Variants in ASAP1 observed in about 807,000 individuals in gnomAD.
ASAP1 encodes the protein ArfGAP with SH3 domain, ankyrin repeat and PH domain 1, also known as arf-GAP with SH3 domain, ANK repeat and PH domain-containing protein 1.
A neutral mutation model predicts 145.2 loss-of-function variants in ASAP1; 43 were observed. That is an observed-to-expected ratio of 0.30 (90% CI 0.23 to 0.38). The LOEUF (loss-of-function observed/expected upper bound fraction) is 0.38, where lower values mean the gene tolerates loss of function less well. Among genes scored for constraint, ASAP1 ranks in the 10% least tolerant of loss-of-function variants. ASAP1 has a pLI of 1.00. For synonymous variants in ASAP1, 546 were observed against 515.5 expected (o/e 1.06, Z -0.80); for missense variants, 1,018 against 1,355.3 (o/e 0.75, Z 3.91).
intron 3 of ASAP1, among the ~76,000 whole-genome samples, chr8:130,238,975 A>G (rs114424235): frequency 0.011 from 1,682 of 152,258 alleles, 29 homozygotes; most frequent in African/African-American, 0.039. Flanking sequence ...CTTCTGTTCA[A>G]TATCTTCCTT....
At chr8:130,402,011 G>A (rs10090767) in intron 1 of ASAP1, 41 bp from the exon 2 acceptor site, 397,324 of 1,353,366 alleles carry the variant, frequency 0.29, 60,844 homozygotes, top group African/African-American at 0.47. Context: ...AGAGTCATCC[G>A]GTGAAACTGG....
intron 13 of ASAP1, among the ~76,000 whole-genome samples, chr8:130,140,317 C>T (rs1344829921): frequency 6.6e-6 from 1 of 151,868 alleles, no homozygotes; most frequent in Admixed American, 6.6e-5. Context: ...GCGTGAGGCA[C>T]CATGCTGGCC....
intron 1 of ASAP1, among the ~76,000 whole-genome samples, chr8:130,421,188 TAAC>T (rs1209371665): frequency 1.3e-5 from 2 of 152,198 alleles, no homozygotes; most frequent in African/African-American, 2.4e-5. Flanking sequence ...GCTGGGTGCA[TAAC>T]AACAACAACA....
intron 3 of ASAP1, among the ~76,000 whole-genome samples, chr8:130,245,528 A>C (rs979795967): frequency 2.0e-5 from 3 of 152,184 alleles, no homozygotes; most frequent in African/African-American, 7.2e-5. Flanking sequence ...TCTCCTAAAC[A>C]ATTCTAAGGA....
intron 1 of ASAP1, among the ~76,000 whole-genome samples, chr8:130,437,790 G>A (rs74888036): frequency 0.058 from 8,813 of 152,150 alleles, 293 homozygotes; most frequent in Non-Finnish European, 0.07. Flanking sequence ...TTGTGCCCAC[G>A]GCTGATCCTC....
intron 3 of ASAP1, among the ~76,000 whole-genome samples, chr8:130,241,544 C>T (rs944426657): frequency 2.0e-5 from 3 of 152,094 alleles, no homozygotes; most frequent in Admixed American, 2.0e-4. Flanking sequence ...ATCATCTCCA[C>T]AAAACAGAGA....
At chr8:130,251,893 C>G (rs1819219645) in intron 3 of ASAP1, among the ~76,000 whole-genome samples, 1 of 152,108 alleles carries the variant, frequency 6.6e-6, no homozygotes, top group Non-Finnish European at 1.5e-5. Context: ...AATGGAGAGG[C>G]TTTGGAGAAA....
intron 1 of ASAP1, among the ~76,000 whole-genome samples, chr8:130,441,448 A>G (rs1045641701): frequency 9.2e-5 from 14 of 152,038 alleles, no homozygotes; most frequent in Non-Finnish European, 1.6e-4. Context: ...CAGATACAGC[A>G]GTGGTTGGGT....
At chr8:130,357,972 G>A in intron 3 of ASAP1, 45 bp downstream of exon 3, 1 of 1,566,842 alleles carries the variant, frequency 6.4e-7, no homozygotes, top group Non-Finnish European at 8.6e-7. Context: ...CAGCTGCGCG[G>A]CGGCAGCGGC....
At chr8:130,373,767 A>T (rs529173786) in intron 2 of ASAP1, among the ~76,000 whole-genome samples, 91 of 151,192 alleles carry the variant, frequency 6.0e-4, no homozygotes, top group African/African-American at 1.9e-3. Flanking sequence ...GAATTGCTTG[A>T]ACCCAGGAGG....
chr8:130,125,807 A>C (rs1206336444), intron 17 of ASAP1, 149 bp downstream of exon 17: 2 of 705,036 alleles, frequency 2.8e-6, no homozygotes, highest in African/African-American at 3.7e-5. Context: ...ATACCACAAA[A>C]GTTACATTTT....
chr8:130,426,412 G>GA (rs56287696), intron 1 of ASAP1, among the ~76,000 whole-genome samples: 5,379 of 138,810 alleles, frequency 0.039, 118 homozygotes, highest in Middle Eastern at 0.087. Context: ...CACTGGTTAG[G>GA]AAAAAAAAAA....
chr8:130,352,812 G>C (rs968336158), intron 3 of ASAP1, among the ~76,000 whole-genome samples: 1 of 152,170 alleles, frequency 6.6e-6, no homozygotes, highest in African/African-American at 2.4e-5. Flanking sequence ...GCTTGATACT[G>C]AATCTACATT....
At chr8:130,409,845 T>G (rs1204951323) in intron 1 of ASAP1, among the ~76,000 whole-genome samples, 1 of 152,216 alleles carries the variant, frequency 6.6e-6, no homozygotes. Flanking sequence ...TGTGACTGCA[T>G]GTCTTATAGC....
At chr8:130,405,571 G>A (rs924162314) in intron 1 of ASAP1, among the ~76,000 whole-genome samples, 1 of 152,172 alleles carries the variant, frequency 6.6e-6, no homozygotes, top group Non-Finnish European at 1.5e-5. Flanking sequence ...CTTCACCCTT[G>A]TCAGCGAGCC....
rs76764040 is a variant in ASAP1, at chr8:130,277,385, G to A, written c.187-40391C>T. ...AGTTCTTCATATCCAGTGAATTTAA[G>A]ACAACAAAAGATGAAGCAGATGAAG... is the stretch of plus-strand genomic sequence containing the variant. On this transcript the variant is annotated intron_variant, in intron 3 of 29. Coordinates refer to ENST00000518721, the MANE Select transcript of ASAP1 (RefSeq NM_018482.4). 8.1e-3 allele frequency among the ~76,000 whole-genome samples: 1,234 copies of A among 152,236 alleles called. 11 individuals carry two copies. Among genetic ancestry groups the A allele is most frequent in the Non-Finnish European group, 0.012 (793 of 68,022 alleles).
intron 3 of ASAP1, among the ~76,000 whole-genome samples, chr8:130,320,701 T>C (rs1486935384): frequency 6.6e-6 from 1 of 152,028 alleles, no homozygotes. Context: ...GGAAGAAGTA[T>C]CATTCCTCTC....
intron 3 of ASAP1, among the ~76,000 whole-genome samples, chr8:130,305,170 T>C (rs1822916221): frequency 6.6e-6 from 1 of 152,158 alleles, no homozygotes; most frequent in Non-Finnish European, 1.5e-5. Context: ...CTCTCTTGTA[T>C]CTCCTCTCTT....
chr8:130,072,832 G>GTGTGTGT (rs61663506), intron 27 of ASAP1, among the ~76,000 whole-genome samples: 6 of 11,734 alleles, frequency 5.1e-4, no homozygotes, highest in African/African-American at 2.0e-3. Flanking sequence ...TGTGCGCGCG[G>GTGTGTGT]GGGGGGGCAG....
Sources: gnomAD v4.1 joint callset for allele counts (sites outside exome capture counted in the v4.1 genomes callset) on GRCh38, gnomAD v4.1.1 for gene constraint, MANE v1.5 for transcripts, NCBI Gene and HGNC (gene_info 2026-07-23, HGNC 2026-07-21) for gene names.